C1QTNF7: variants seen among roughly 807,000 people sequenced by gnomAD.
C1QTNF7 encodes C1q and TNF related 7, also known as complement C1q tumor necrosis factor-related protein 7.
Under a neutral mutation model 19.6 loss-of-function variants are expected in C1QTNF7, and 15 were observed. The ratio of observed to expected loss-of-function variants is 0.76; its 90% CI spans 0.51 to 1.18. The LOEUF is 1.18. Ranked by LOEUF, C1QTNF7 falls within the 50% of genes most tolerant of loss-of-function variation. C1QTNF7 has a pLI of 0.00. For missense variants in C1QTNF7, 324 were observed against 359.7 expected (o/e 0.90, Z 0.80); for synonymous variants, 142 against 137.5 (o/e 1.03, Z -0.23).
rs759725235 is a variant in C1QTNF7 at position 15,435,945 on chromosome 4, G to A, written c.202G>A (p.Gly68Ser). The A allele has an allele frequency of 1.4e-5, 23 of 1,613,854 alleles. No individual in the cohort carries two copies. The highest frequency in any genetic ancestry group is 6.7e-5 in the East Asian group (3 of 44,878). Residue 68 changes from glycine to serine, a missense_variant, in exon 2 of 3, where the codon GGC becomes AGC. Gly to Ser is a moderately conservative substitution (Grantham distance 56). Transcript: ENST00000444304. ...CCTTCCAGGAAGAGATGGTAGAGACGGCAGGAAAGGAGAGAAAGGTGAAAA... is the reference window on the plus strand; with the variant it reads ...CCTTCCAGGAAGAGATGGTAGAGACAGCAGGAAAGGAGAGAAAGGTGAAAA... ...IGLPGRDGRD[G>S]RKGEKGEKGT...
At position 15,380,744 on chromosome 4, in the gene C1QTNF7, G is replaced by C. The variant is rs148669239; in HGVS notation, c.13+40537G>C. On this transcript the variant is annotated intron_variant, in intron 1 of 2. Transcript: ENST00000295297. ...GAGGCCAGGCGTTTGAGACAAGCCT[G>C]GCCAATGTGGTGAAACCCCATTTCT... Among the ~76,000 whole-genome samples the C allele has an allele frequency of 8.8e-4, 134 of 152,226 alleles. 1 individual carries two copies. The highest frequency in any genetic ancestry group is 3.0e-3 in the African/African-American group (126 of 41,548).
At chr4:15,373,228 G>A (rs1397730690) in intron 1 of C1QTNF7, among the ~76,000 whole-genome samples, 1 of 152,182 alleles carries the variant, frequency 6.6e-6, no homozygotes, top group Non-Finnish European at 1.5e-5. Context: ...GTCCTCCAGA[G>A]GGACAAATGC....
upstream of C1QTNF7, among the ~76,000 whole-genome samples, chr4:15,423,611 A>G (rs561846835): frequency 1.3e-5 from 2 of 152,278 alleles, no homozygotes; most frequent in East Asian, 3.9e-4. Context: ...TGAGGAACCT[A>G]CTGACCCCAG....
At chr4:15,390,146 G>T (rs1263160921) in intron 1 of C1QTNF7, among the ~76,000 whole-genome samples, 1 of 152,200 alleles carries the variant, frequency 6.6e-6, no homozygotes, top group Non-Finnish European at 1.5e-5. Flanking sequence ...CAGGGATTCG[G>T]ATTATGCAGA....
At chr4:15,391,710 A>C (rs567266398) in intron 1 of C1QTNF7, among the ~76,000 whole-genome samples, 1 of 152,306 alleles carries the variant, frequency 6.6e-6, no homozygotes, top group Admixed American at 6.5e-5. Flanking sequence ...AAATCAAAGG[A>C]GATAACATAT....
chr4:15,408,350 T>C (rs1172771802), intron 1 of C1QTNF7, among the ~76,000 whole-genome samples: 1 of 151,378 alleles, frequency 6.6e-6, no homozygotes, highest in Non-Finnish European at 1.5e-5. Context: ...TACAGATAAG[T>C]ATATATGTAT....
At chr4:15,361,102 T>C (rs952881903) in intron 1 of C1QTNF7, 2 of 152,188 alleles carry the variant, frequency 1.3e-5, no homozygotes, top group African/African-American at 4.8e-5. Flanking sequence ...AAACAACTTT[T>C]TGGTAATTTC....
chr4:15,437,234 T>A (rs1284252317), intron 2 of C1QTNF7, among the ~76,000 whole-genome samples: 4 of 152,078 alleles, frequency 2.6e-5, no homozygotes, highest in Non-Finnish European at 5.9e-5. Context: ...AAACAAACAT[T>A]GGAGTCAGAA....
chr4:15,343,241 A>G (rs1435830350), intron 1 of C1QTNF7, among the ~76,000 whole-genome samples: 6 of 152,244 alleles, frequency 3.9e-5, no homozygotes. Context: ...AGTATCACAT[A>G]GACCAACGCA....
rs147289609 is a variant in C1QTNF7 at position 15,432,216 on chromosome 4, T to C, written c.-8-3520T>C. Among the ~76,000 whole-genome samples the C allele has an allele frequency of 1.1e-4, 16 of 152,236 alleles. No individual in the cohort carries two copies. The East Asian group carries it at 2.7e-3, about 26-fold the overall frequency. ...GAGGGCCTTGTAGACCATCGCACCA[T>C]GTAACATGAAGCTTTGGGCCCTTAG... On this transcript the variant is annotated intron_variant, in intron 1 of 2. Transcript: ENST00000444304.
At chr4:15,413,120 T>C (rs982111203) in intron 1 of C1QTNF7, among the ~76,000 whole-genome samples, 1 of 152,206 alleles carries the variant, frequency 6.6e-6, no homozygotes, top group East Asian at 1.9e-4. Flanking sequence ...TTGATCAAAA[T>C]GAACAGCATA....
At chr4:15,380,273 T>C (rs1019926660) in intron 1 of C1QTNF7, among the ~76,000 whole-genome samples, 1 of 152,232 alleles carries the variant, frequency 6.6e-6, no homozygotes, top group Non-Finnish European at 1.5e-5. Context: ...TCCTTTATTA[T>C]GCAGGAGGTT....
chr4:15,356,816 T>C (rs1403029990), intron 1 of C1QTNF7, among the ~76,000 whole-genome samples: 1 of 152,240 alleles, frequency 6.6e-6, no homozygotes, highest in Non-Finnish European at 1.5e-5. Context: ...TGGTATCTCA[T>C]TGTGGTTTTG....
chr4:15,429,486 T>C (rs1447589661), intron 1 of C1QTNF7, among the ~76,000 whole-genome samples: 1 of 152,186 alleles, frequency 6.6e-6, no homozygotes, highest in Non-Finnish European at 1.5e-5. Flanking sequence ...AATCACACAA[T>C]ATTTGTCCTT....
intron 1 of C1QTNF7, among the ~76,000 whole-genome samples, chr4:15,350,180 AGGC>A: frequency 8.8e-6 from 1 of 113,478 alleles, no homozygotes; most frequent in African/African-American, 3.3e-5. Context: ...CGAAGGAGGG[AGGC>A]AGGAAGGAAG....
chr4:15,366,861 T>C (rs375350887), intron 1 of C1QTNF7, among the ~76,000 whole-genome samples: 1 of 152,190 alleles, frequency 6.6e-6, no homozygotes, highest in South Asian at 2.1e-4. Flanking sequence ...TCCTGCGGGC[T>C]GGCTGAGACA....
intron 1 of C1QTNF7, among the ~76,000 whole-genome samples, chr4:15,388,318 A>G (rs1055090306): frequency 3.3e-5 from 5 of 152,168 alleles, no homozygotes; most frequent in South Asian, 4.1e-4. Context: ...ATATGTTGAG[A>G]TGGAGAGCAG....
intron 2 of C1QTNF7, among the ~76,000 whole-genome samples, chr4:15,440,776 G>A (rs1372196389): frequency 6.6e-6 from 1 of 152,114 alleles, no homozygotes; most frequent in Non-Finnish European, 1.5e-5. Context: ...GCATGGTGGT[G>A]GCAGTCATTG....
At chr4:15,437,146 C>A (rs1444002691) in intron 2 of C1QTNF7, among the ~76,000 whole-genome samples, 1 of 152,050 alleles carries the variant, frequency 6.6e-6, no homozygotes, top group East Asian at 1.9e-4. Flanking sequence ...TTCTTGAAAT[C>A]CTATAATAAC....
Sources: allele counts gnomAD v4.1 joint callset (sites outside exome capture counted in the v4.1 genomes callset), GRCh38; gene constraint gnomAD v4.1.1; transcripts MANE v1.5; gene names NCBI Gene and HGNC (gene_info 2026-07-23, HGNC 2026-07-21).